The following SPAG1 variants were observed in gnomAD, a reference collection of about 807,000 sequenced individuals.
SPAG1 encodes the protein sperm associated antigen 1.
In SPAG1, 69 loss-of-function variants were observed where a neutral mutation model predicts 100.5. The ratio of observed to expected loss-of-function variants is 0.69; its 90% CI spans 0.57 to 0.84. SPAG1 has a LOEUF of 0.84. Ranked by LOEUF, SPAG1 falls within the 40% of genes least tolerant of loss-of-function variation. The pLI is 0.00. For missense variants in SPAG1, 955 were observed against 1,133.1 expected (o/e 0.84, Z 2.26); for synonymous variants, 336 against 411.6 (o/e 0.82, Z 2.22).
At chr8:100,220,167 T>C in intron 12 of SPAG1, 112 bp from the exon 13 acceptor site, 1 of 841,560 alleles carries the variant, frequency 1.2e-6, no homozygotes, top group African/African-American at 1.8e-5. Flanking sequence ...CAAGACGAAG[T>C]CTCGGATGTG....
intron 2 of SPAG1, 188 bp from the exon 3 acceptor site, chr8:100,165,626 C>G: frequency 1.9e-6 from 1 of 526,346 alleles, no homozygotes. Flanking sequence ...TCCTTTTTTT[C>G]TTCTTTTAAT....
chr8:100,204,167 C>T (rs536754342), intron 10 of SPAG1, among the ~76,000 whole-genome samples: 1 of 152,208 alleles, frequency 6.6e-6, no homozygotes, highest in East Asian at 1.9e-4. Flanking sequence ...GTGATGGCCT[C>T]CCGAGACAGT....
rs751737034 is a variant in SPAG1, at chr8:100,220,260, A to G, written c.1536-19A>G. 2.9e-5 allele frequency: 47 copies of G among 1,600,124 alleles called. 1 individual carries two copies. The Middle Eastern group carries it at 1.5e-3, about 51-fold the overall frequency. ...CATTTTTCAAAACAAATGGTATGTAATATTTTTGTCTTCTTTAGGGCTCTG... is the reference window on the plus strand; with the variant it reads ...CATTTTTCAAAACAAATGGTATGTAGTATTTTTGTCTTCTTTAGGGCTCTG... On this transcript the variant is annotated intron_variant, in intron 12 of 18. Coordinates refer to ENST00000388798, the MANE Select transcript of SPAG1 (RefSeq NM_003114.5).
rs763258602 is a variant in SPAG1 at position 100,220,449 on chromosome 8, G to C, written c.1688+18G>C. On this transcript the variant is annotated intron_variant, in intron 13 of 18. Transcript: ENST00000388798. ...GTTAACAGGTAATTAATCTGAGGCA[G>C]CTACCTAAAATCTAGTTGTTTTATA... 1.9e-6 allele frequency: 3 copies of C among 1,597,974 alleles called. No individual in the cohort carries two copies. In the African/African-American group the frequency reaches 4.1e-5, roughly 22 times the overall value.
At chr8:100,193,775 A>G (rs1461748542) in intron 9 of SPAG1, among the ~76,000 whole-genome samples, 1 of 152,200 alleles carries the variant, frequency 6.6e-6, no homozygotes, top group Non-Finnish European at 1.5e-5. Flanking sequence ...CAAACAGCGT[A>G]TGTAGCATGA....
chr8:100,160,641 A>AG (rs1369257757), intron 1 of SPAG1, among the ~76,000 whole-genome samples: 1 of 151,834 alleles, frequency 6.6e-6, no homozygotes, highest in East Asian at 1.9e-4. Flanking sequence ...AAAAAAAAAA[A>AG]AAGGAGAGGT....
At chr8:100,183,548 C>T in intron 5 of SPAG1, 112 bp downstream of exon 5, 1 of 546,558 alleles carries the variant, frequency 1.8e-6, no homozygotes, top group Non-Finnish European at 3.3e-6. Flanking sequence ...TCAAGAATAC[C>T]AAATTACTTC....
In SPAG1 at chr8:100,184,722, G is replaced by A; in HGVS notation, c.690G>A (p.Met230Ile). 3 of 1,578,040 alleles carry A rather than the reference G, an allele frequency of 1.9e-6. No homozygotes were observed. Among genetic ancestry groups the A allele is most frequent in the African/African-American group, 1.4e-5 (1 of 72,994 alleles). The change falls in exon 7 of 19, where the codon ATG (methionine) becomes ATA (isoleucine). Residue 230 changes from methionine to isoleucine, a missense_variant. By Grantham distance (10) the Met-to-Ile change is conservative. Coordinates refer to ENST00000388798, the MANE Select transcript of SPAG1 (RefSeq NM_003114.5). ...FNSGDYEEAV[M>I]YYTRSISALP... ...CAGGAGATTATGAAGAAGCAGTGAT[G>A]TATTATACCAGGTGAGCAGATGTTT...
At chr8:100,212,490 G>T (rs1343932732) in intron 10 of SPAG1, among the ~76,000 whole-genome samples, 3 of 152,092 alleles carry the variant, frequency 2.0e-5, no homozygotes, top group East Asian at 3.8e-4. Context: ...CAAAATCAAA[G>T]AAATTTTTAG....
intron 16 of SPAG1, among the ~76,000 whole-genome samples, chr8:100,237,329 C>T (rs1251947257): frequency 6.6e-6 from 1 of 152,162 alleles, no homozygotes; most frequent in Non-Finnish European, 1.5e-5. Flanking sequence ...GATCCACCCA[C>T]CTTGGCCTCC....
At chr8:100,231,544 G>A (rs573241101) in intron 15 of SPAG1, among the ~76,000 whole-genome samples, 9 of 152,186 alleles carry the variant, frequency 5.9e-5, no homozygotes, top group Admixed American at 3.9e-4. Context: ...TCCCAAAAGC[G>A]ACCATGGCTG....
At chr8:100,211,676 A>C (rs1817722314) in intron 10 of SPAG1, among the ~76,000 whole-genome samples, 1 of 152,208 alleles carries the variant, frequency 6.6e-6, no homozygotes, top group South Asian at 2.1e-4. Flanking sequence ...ACAAACAAAT[A>C]ATAAAAATAA....
chr8:100,163,050 A>G (rs1450123405), intron 2 of SPAG1, among the ~76,000 whole-genome samples: 2 of 152,232 alleles, frequency 1.3e-5, no homozygotes, highest in Non-Finnish European at 2.9e-5. Flanking sequence ...CCCACTTCAT[A>G]TCACCTGACA....
intron 10 of SPAG1, among the ~76,000 whole-genome samples, chr8:100,206,320 C>T (rs757483915): frequency 3.3e-5 from 5 of 152,184 alleles, no homozygotes; most frequent in African/African-American, 7.2e-5. Flanking sequence ...AGCAATCTGC[C>T]GTCAGCTGGC....
At chr8:100,193,987 C>T (rs1286175934) in intron 9 of SPAG1, 125 bp from the exon 10 acceptor site, 14 of 773,344 alleles carry the variant, frequency 1.8e-5, no homozygotes, top group Non-Finnish European at 2.6e-5. Flanking sequence ...AATCAAAGGC[C>T]ACCAAAAAAA....
chr8:100,170,840 TA>T (rs1273450953), intron 3 of SPAG1, among the ~76,000 whole-genome samples: 3,864 of 149,104 alleles, frequency 0.026, 169 homozygotes, highest in African/African-American at 0.085. Context: ...TTTATTTATT[TA>T]TTTATTTATT....
Position 100,240,580 on chromosome 8 carries a change from A to G in SPAG1, c.2458A>G (p.Lys820Glu), listed in dbSNP as rs369552222. 93 of 1,613,968 alleles carry G rather than the reference A, an allele frequency of 5.8e-5. No homozygotes were observed. The highest frequency in any genetic ancestry group is 1.6e-4 in the Middle Eastern group (1 of 6,084). Residue 820 changes from lysine to glutamate, a missense_variant, in exon 18 of 19, where the codon AAG (lysine) becomes GAG (glutamate). By Grantham distance (56) the Lys-to-Glu change is moderately conservative. Transcript: ENST00000388798. ...GQIINALSTR[K>E]DKEACAHLLA... is the part of the protein sequence containing the mutation. ...GATTATAAATGCTCTCAGTACCAGGAAGGATAAAGAAGCCTGTGCACATCT... is the reference window on the plus strand; with the variant it reads ...GATTATAAATGCTCTCAGTACCAGGGAGGATAAAGAAGCCTGTGCACATCT...
At chr8:100,194,501 G>C (rs550240830) in intron 10 of SPAG1, 20 of 598,870 alleles carry the variant, frequency 3.3e-5, no homozygotes, top group South Asian at 2.3e-4. Flanking sequence ...TTAATTCCTG[G>C]TCATCACCTT....
intron 8 of SPAG1, among the ~76,000 whole-genome samples, chr8:100,190,404 A>G (rs186036977): frequency 6.6e-6 from 1 of 152,150 alleles, no homozygotes; most frequent in East Asian, 1.9e-4. Flanking sequence ...TTCTCCTTAT[A>G]TAATAGTTAA....
Sources: allele counts gnomAD v4.1 joint callset (sites outside exome capture counted in the v4.1 genomes callset), GRCh38; gene constraint gnomAD v4.1.1; transcripts MANE v1.5; gene names NCBI Gene and HGNC (gene_info 2026-07-23, HGNC 2026-07-21).